INPP5B: variants seen among roughly 807,000 people sequenced by gnomAD.
INPP5B encodes type II inositol 1,4,5-trisphosphate 5-phosphatase.
INPP5B carries 90 observed loss-of-function variants against 118.5 expected under a neutral mutation model. The observed-to-expected ratio is 0.76, with a 90% CI of 0.64 to 0.90. INPP5B has a LOEUF of 0.90. Among genes scored for constraint, INPP5B ranks in the 40% least tolerant of loss-of-function variants. The pLI, the probability that INPP5B is intolerant of heterozygous loss-of-function variation, is 0.00. For synonymous variants in INPP5B, 385 were observed against 418.9 expected (o/e 0.92, Z 0.99); for missense variants, 984 against 1,125.6 (o/e 0.87, Z 1.80).
chr1:37,893,630 C>T (rs1643913006), intron 7 of INPP5B, among the ~76,000 whole-genome samples: 1 of 152,200 alleles, frequency 6.6e-6, no homozygotes, highest in African/African-American at 2.4e-5. Flanking sequence ...AACCCAGTTT[C>T]TACACTGTGG....
intron 7 of INPP5B, chr1:37,931,527 T>C: frequency 1.3e-6 from 2 of 1,535,698 alleles, no homozygotes; most frequent in Non-Finnish European, 1.7e-6. Context: ...TCTGCCCCAG[T>C]GTCCCAGCCT....
intron 21 of INPP5B, 81 bp from the exon 22 acceptor site, chr1:37,865,969 G>A: frequency 6.3e-7 from 1 of 1,578,210 alleles, no homozygotes; most frequent in Non-Finnish European, 8.6e-7. Flanking sequence ...CATGCCAGAA[G>A]TGCTGCCTGC....
chr1:37,885,830 G>A lies in INPP5B; in HGVS notation c.1132-5C>T, dbSNP rs765515967. On this transcript the variant is annotated splice_polypyrimidine_tract_variant and splice_region_variant and intron_variant, in intron 12 of 23. Transcript: ENST00000373024. ...CGCCACGCCTCCCTTGTTGCCCTAT[G>A]GAAAGGATCCCCAAAGAAATCCAAT... The A allele has an allele frequency of 1.9e-6, 3 of 1,612,410 alleles. No homozygotes were observed. The highest frequency in any genetic ancestry group is 1.7e-6 in the Non-Finnish European group (2 of 1,178,822).
At chr1:37,933,939 A>G (rs1352044785) in intron 6 of INPP5B, among the ~76,000 whole-genome samples, 1 of 139,978 alleles carries the variant, frequency 7.1e-6, no homozygotes, top group Non-Finnish European at 1.5e-5. Flanking sequence ...TTATTTATTT[A>G]TTTATTTATT....
chr1:37,888,694 A>G (rs1643675884), intron 9 of INPP5B, among the ~76,000 whole-genome samples: 1 of 152,228 alleles, frequency 6.6e-6, no homozygotes, highest in Non-Finnish European at 1.5e-5. Flanking sequence ...TTGGCAAGAA[A>G]GCAACACCAG....
Position 37,907,052 on chromosome 1 carries a change from T to C in INPP5B, c.533-15598A>G, listed in dbSNP as rs1644526597. Among the ~76,000 whole-genome samples the C allele has an allele frequency of 1.3e-5, 2 of 152,204 alleles. No homozygotes were observed. The highest frequency in any genetic ancestry group is 2.9e-5 in the Non-Finnish European group (2 of 68,028). On this transcript the variant is annotated intron_variant, in intron 7 of 23. Coordinates refer to ENST00000373024, the MANE Select transcript of INPP5B (RefSeq NM_005540.3). This position sits in a 1 kb window ranked among gnomAD's most constrained non-coding sequence, Gnocchi z 4.3. ...GTAAAAACCTGGATCAATATTCTAA[T>C]TCTGGGCATATATTGGAATCAGCTA...
At chr1:37,915,140 T>A (rs1644822902) in intron 7 of INPP5B, among the ~76,000 whole-genome samples, 1 of 152,150 alleles carries the variant, frequency 6.6e-6, no homozygotes, top group Admixed American at 6.6e-5. Context: ...CATGCCTCAC[T>A]AAATAGACAG....
Position 37,900,612 on chromosome 1 carries a change from ATTTTTCTTTTTT to A in INPP5B, c.533-9170_533-9159del, listed in dbSNP as rs531140882. Among the ~76,000 whole-genome samples the A allele has an allele frequency of 2.5e-3, 360 of 145,664 alleles. 1 individual carries two copies. Among genetic ancestry groups the A allele is most frequent in the East Asian group, 8.5e-3 (42 of 4,926 alleles). ...CCACAGATCTCCATGTTTACTTTGA[ATTTTTCTTTTTT>A]TTTTTCTTTTTTTTTTTTGAGACAG... On this transcript the variant is annotated intron_variant, in intron 7 of 23. Transcript: ENST00000373024.
chr1:37,893,336 T>C (rs140392781), intron 7 of INPP5B, among the ~76,000 whole-genome samples: 4 of 152,174 alleles, frequency 2.6e-5, no homozygotes, highest in African/African-American at 9.6e-5. Flanking sequence ...CCTCCTGCCT[T>C]AGCCTCTCAA....
chr1:37,896,388 T>C (rs1439618882), intron 7 of INPP5B, among the ~76,000 whole-genome samples: 3 of 150,944 alleles, frequency 2.0e-5, no homozygotes, highest in African/African-American at 7.3e-5. Context: ...GAGGAGCGTC[T>C]CCGCCCGGCA....
At chr1:37,893,064 T>C (rs1485568239) in intron 7 of INPP5B, among the ~76,000 whole-genome samples, 1 of 151,390 alleles carries the variant, frequency 6.6e-6, no homozygotes, top group Non-Finnish European at 1.5e-5. Context: ...TTCCTGTATG[T>C]TTTTTTATTA....
chr1:37,914,751 T>G (rs960529961), intron 7 of INPP5B, among the ~76,000 whole-genome samples: 11 of 152,174 alleles, frequency 7.2e-5, no homozygotes, highest in African/African-American at 2.7e-4. Flanking sequence ...ATTATGATAA[T>G]GGGATCATAC....
At chr1:37,920,968 T>TGGTGGCGGGCGC (rs1645033985) in intron 7 of INPP5B, among the ~76,000 whole-genome samples, 1 of 151,944 alleles carries the variant, frequency 6.6e-6, no homozygotes, top group South Asian at 2.1e-4. Context: ...CAGGCGGGCG[T>TGGTGGCGGGCGC]GGTGGCGGGC....
intron 7 of INPP5B, chr1:37,931,400 G>A (rs541633719): frequency 3.9e-5 from 57 of 1,472,782 alleles, no homozygotes; most frequent in South Asian, 1.3e-5. Context: ...GTGGCCCGAG[G>A]TCACACAGCG....
chr1:37,929,802 C>G (rs543304535), intron 7 of INPP5B: 1 of 152,064 alleles, frequency 6.6e-6, no homozygotes, highest in Non-Finnish European at 1.5e-5. Context: ...GGCACGATCT[C>G]GGCTCACTGC....
At chr1:37,926,680 T>C (rs1416428816) in intron 7 of INPP5B, among the ~76,000 whole-genome samples, 4 of 152,198 alleles carry the variant, frequency 2.6e-5, no homozygotes. Flanking sequence ...CCTGTGGGAC[T>C]TCTGAGTAGC....
At chr1:37,868,274 T>C (rs907512777) in intron 20 of INPP5B, among the ~76,000 whole-genome samples, 6 of 148,704 alleles carry the variant, frequency 4.0e-5, no homozygotes, top group Middle Eastern at 3.5e-3. Flanking sequence ...GATCGCACCA[T>C]TGCACTCCAG....
At chr1:37,894,455 C>T (rs1643943446) in intron 7 of INPP5B, among the ~76,000 whole-genome samples, 1 of 152,126 alleles carries the variant, frequency 6.6e-6, no homozygotes, top group Non-Finnish European at 1.5e-5. Flanking sequence ...ACTGTATCCC[C>T]ATCATTCAGC....
intron 16 of INPP5B, among the ~76,000 whole-genome samples, chr1:37,876,732 C>A (rs567174502): frequency 4.7e-4 from 67 of 142,976 alleles, no homozygotes; most frequent in African/African-American, 1.6e-3. Flanking sequence ...AACCATTAGC[C>A]GGGTGTGGTG....
Sources: gnomAD v4.1 joint callset for allele counts (sites outside exome capture counted in the v4.1 genomes callset) on GRCh38, gnomAD v4.1.1 for gene constraint, Gnocchi (gnomAD v3.1) non-coding constraint, MANE v1.5 for transcripts, NCBI Gene and HGNC (gene_info 2026-07-23, HGNC 2026-07-21) for gene names.